PRKAG2: variants seen among roughly 807,000 people sequenced by gnomAD.
PRKAG2 encodes the protein 5'-AMP-activated protein kinase subunit gamma-2.
Under a neutral mutation model 69.6 loss-of-function variants are expected in PRKAG2, and 26 were observed. That is an observed-to-expected ratio of 0.37 (90% confidence interval 0.27 to 0.52). PRKAG2 has a LOEUF of 0.52. PRKAG2 is among the 20% of genes least tolerant of loss of function. The pLI is 0.90. For synonymous variants in PRKAG2, 293 were observed against 285.0 expected, an observed-to-expected ratio of 1.03 and a Z score of -0.28; for missense variants, 557 against 740.0, an observed-to-expected ratio of 0.75 and a Z score of 2.87.
chr7:151,773,761 C>G (rs377496552), intron 3 of PRKAG2, among the ~76,000 whole-genome samples: 7 of 152,254 alleles, frequency 4.6e-5, no homozygotes, highest in East Asian at 3.9e-4. Context: ...GCAAGATCAC[C>G]CTAAACCAAC....
intron 3 of PRKAG2, among the ~76,000 whole-genome samples, chr7:151,696,143 T>C (rs1450158542): frequency 2.0e-5 from 3 of 152,148 alleles, no homozygotes; most frequent in Non-Finnish European, 4.4e-5. Context: ...CAGCCGGCCT[T>C]TGTTCTATTT....
In PRKAG2 at chr7:151,648,824, C is replaced by T. The variant is rs116245845; in HGVS notation, c.685-16686G>A. The stretch of plus-strand genomic sequence containing the variant: ...TGGCTGGAACCCAGGAGTTTTAACC[C>T]AAGGCAACATAGTGAGACCCCCGTC... On this transcript the variant is annotated intron_variant, in intron 4 of 15. Coordinates refer to ENST00000287878, the MANE Select transcript of PRKAG2 (RefSeq NM_016203.4). Among the ~76,000 whole-genome samples the T allele has an allele frequency of 8.9e-3, 1,357 of 151,956 alleles. 27 individuals are homozygous for T. Among genetic ancestry groups the T allele is most frequent in the African/African-American group, 0.031 (1,275 of 41,426 alleles).
intron 5 of PRKAG2, among the ~76,000 whole-genome samples, chr7:151,627,258 C>A (rs1198777443): frequency 6.6e-6 from 1 of 152,174 alleles, no homozygotes; most frequent in Non-Finnish European, 1.5e-5. Context: ...TGCTTTCTTT[C>A]CCTCCTACGA....
intron 4 of PRKAG2, among the ~76,000 whole-genome samples, chr7:151,646,129 G>C (rs1299816437): frequency 6.6e-6 from 1 of 152,192 alleles, no homozygotes; most frequent in African/African-American, 2.4e-5. Context: ...AAATCAGGTA[G>C]TGGACATTCT....
At chr7:151,631,592 G>A (rs1195132716) in intron 5 of PRKAG2, 2 of 441,736 alleles carry the variant, frequency 4.5e-6, no homozygotes, top group Non-Finnish European at 9.2e-6. Context: ...ACCTCTTCAG[G>A]TTTTCCTATT....
At chr7:151,658,421 G>C (rs1312186176) in intron 4 of PRKAG2, among the ~76,000 whole-genome samples, 1 of 148,782 alleles carries the variant, frequency 6.7e-6, no homozygotes, top group African/African-American at 2.5e-5. Flanking sequence ...GGAGGCAAAG[G>C]TTGCAGTAAG....
intron 3 of PRKAG2, among the ~76,000 whole-genome samples, chr7:151,766,492 G>A (rs2075740563): frequency 6.6e-6 from 1 of 152,338 alleles, no homozygotes; most frequent in East Asian, 1.9e-4. Flanking sequence ...AACCAAAGGC[G>A]AGGCGCCCAG....
rs1467525933 is a variant in PRKAG2 at position 151,699,132 on chromosome 7, C to T, written c.467-23495G>A. Among the ~76,000 whole-genome samples, 1 of 150,482 alleles carries T rather than the reference C, an allele frequency of 6.6e-6. No homozygotes were observed. Among genetic ancestry groups the T allele is most frequent in the Non-Finnish European group, 1.5e-5 (1 of 67,384 alleles). On this transcript the variant is annotated intron_variant, in intron 3 of 15. Coordinates refer to ENST00000287878, the MANE Select transcript of PRKAG2 (RefSeq NM_016203.4). The surrounding 1 kb of genome is among the most constrained non-coding windows in gnomAD (Gnocchi z 4.5). ...CCCTCAATGCCCTTAGGCCACCTTT[C>T]CTTCTCTGACCTCTGTCCCCATCCC... is the stretch of plus-strand genomic sequence containing the variant.
At chr7:151,642,248 C>A (rs1159725350) in intron 4 of PRKAG2, among the ~76,000 whole-genome samples, 1 of 151,790 alleles carries the variant, frequency 6.6e-6, no homozygotes, top group Non-Finnish European at 1.5e-5. Context: ...GAGGCTGAGG[C>A]AGGAGAATGG....
intron 5 of PRKAG2, among the ~76,000 whole-genome samples, chr7:151,616,384 T>G (rs1414151794): frequency 6.6e-6 from 1 of 152,178 alleles, no homozygotes; most frequent in Non-Finnish European, 1.5e-5. Flanking sequence ...CACTGACTAT[T>G]ATATTTTAAA....
chr7:151,558,367 C>T (rs1198658393), intron 15 of PRKAG2: 1 of 985,352 alleles, frequency 1.0e-6, no homozygotes, highest in Non-Finnish European at 1.2e-6. Context: ...GTCCCGGGCA[C>T]TGCGCCTCAT....
At position 151,563,055 on chromosome 7, in the gene PRKAG2, A is replaced by T. The variant is rs146544197; in HGVS notation, c.1584+1023T>A. The stretch of plus-strand genomic sequence containing the variant: ...CCAGAGAATTAAGCAGTTCTCTCAG[A>T]CTGAAATGACTCCCCACGTATTTTC... On this transcript the variant is annotated intron_variant, in intron 14 of 15. Transcript: ENST00000287878. Among the ~76,000 whole-genome samples, 219 of 152,176 alleles carry T rather than the reference A, an allele frequency of 1.4e-3. 1 individual carries two copies. Among genetic ancestry groups the T allele is most frequent in the African/African-American group, 5.2e-3 (215 of 41,518 alleles).
chr7:151,693,418 C>T lies in PRKAG2; in HGVS notation c.467-17781G>A, dbSNP rs948624761. Reference sequence around the variant, plus strand: ...CAGGCCTGAATATGCCCCACCCGTCCCTCCTCCAGGCCCATCACCTCCCCG... The same window carrying T: ...CAGGCCTGAATATGCCCCACCCGTCTCTCCTCCAGGCCCATCACCTCCCCG... On this transcript the variant is annotated intron_variant, in intron 3 of 15. Coordinates refer to ENST00000287878, the MANE Select transcript of PRKAG2 (RefSeq NM_016203.4). Among the ~76,000 whole-genome samples, 3 of 152,198 alleles carry T rather than the reference C, an allele frequency of 2.0e-5. No individual in the cohort carries two copies. The East Asian group carries it at 5.8e-4, about 29-fold the overall frequency.
intron 4 of PRKAG2, among the ~76,000 whole-genome samples, chr7:151,668,720 G>A (rs555186549): frequency 1.3e-5 from 2 of 152,342 alleles, no homozygotes; most frequent in South Asian, 2.1e-4. Flanking sequence ...CTCCTCTGCT[G>A]TCACAGGCTG....
chr7:151,830,944 A>G (rs1403983139), intron 1 of PRKAG2, among the ~76,000 whole-genome samples: 1 of 151,954 alleles, frequency 6.6e-6, no homozygotes, highest in African/African-American at 2.4e-5. Flanking sequence ...TAATTCTCCC[A>G]AGAAAGATTC....
intron 1 of PRKAG2, among the ~76,000 whole-genome samples, chr7:151,862,917 A>G (rs1233473053): frequency 3.3e-5 from 5 of 151,040 alleles, no homozygotes; most frequent in Non-Finnish European, 7.4e-5. Flanking sequence ...CCCTGGGTTC[A>G]GAGGGCACTG....
At chr7:151,774,027 G>A (rs182143708) in intron 3 of PRKAG2, among the ~76,000 whole-genome samples, 22 of 152,268 alleles carry the variant, frequency 1.4e-4, no homozygotes, top group African/African-American at 5.1e-4. Flanking sequence ...TTTTGTCCCG[G>A]GGCTGATTTT....
At chr7:151,680,501 T>C (rs1454993891) in intron 3 of PRKAG2, among the ~76,000 whole-genome samples, 1 of 152,250 alleles carries the variant, frequency 6.6e-6, no homozygotes, top group African/African-American at 2.4e-5. Flanking sequence ...AAAGTATCTA[T>C]ATTCTGCCTG....
chr7:151,736,842 TTTTAGAGAGATCTAGTCCAAC>T (rs748104723), intron 3 of PRKAG2, among the ~76,000 whole-genome samples: 108 of 152,148 alleles, frequency 7.1e-4, no homozygotes, highest in Non-Finnish European at 1.3e-3. Context: ...CTGGAAGAGA[TTTTAGAGAGATCTAGTCCAAC>T]TCCCTTCTAT....
Sources: allele counts gnomAD v4.1 joint callset (sites outside exome capture counted in the v4.1 genomes callset), GRCh38; gene constraint gnomAD v4.1.1; non-coding constraint Gnocchi (gnomAD v3.1); transcripts MANE v1.5; gene names NCBI Gene and HGNC (gene_info 2026-07-23, HGNC 2026-07-21).